Variants in RELN observed in about 807,000 individuals in gnomAD.
RELN encodes the protein reelin.
A neutral mutation model predicts 427.6 loss-of-function variants in RELN; 108 were observed. The observed-to-expected ratio is 0.25, with a 90% CI of 0.22 to 0.30. The LOEUF is 0.30. RELN is among the 10% of genes least tolerant of loss of function. The pLI is 1.00. For synonymous variants in RELN, 1,524 were observed against 1,513.4 expected, an observed-to-expected ratio of 1.01 and a Z score of -0.16; for missense variants, 3,715 against 4,302.8, an observed-to-expected ratio of 0.86 and a Z score of 3.82.
chr7:103,549,255 C>T (rs902889685), intron 41 of RELN, among the ~76,000 whole-genome samples: 1 of 152,112 alleles, frequency 6.6e-6, no homozygotes. Flanking sequence ...GGAGCCAGCA[C>T]CTCAGTGTCT....
In RELN at chr7:103,733,769, A is replaced by G. The variant is rs1418227940; in HGVS notation, c.657-5562T>C. Among the ~76,000 whole-genome samples the G allele has an allele frequency of 2.7e-5, 4 of 149,278 alleles. No homozygotes were observed. The South Asian group carries it at 8.6e-4, about 32-fold the overall frequency. On this transcript the variant is annotated intron_variant, in intron 6 of 64. Transcript: ENST00000428762. ...ATCACATGGACACAGGAAGGGGAAC[A>G]TCACACTCTGGGGACTGTTGTGGGG...
chr7:103,918,036 GTCA>G (rs1205140112), intron 1 of RELN, among the ~76,000 whole-genome samples: 1 of 152,062 alleles, frequency 6.6e-6, no homozygotes, highest in Non-Finnish European at 1.5e-5. Context: ...GTACAAGGCT[GTCA>G]TCATCCTTGG....
At position 103,874,939 on chromosome 7, in the gene RELN, A is replaced by G. The variant is rs1237708309; in HGVS notation, c.338-41267T>C. On this transcript the variant is annotated intron_variant, in intron 2 of 64. Transcript: ENST00000428762. Reference sequence around the variant, plus strand: ...AAAAGAACAAAGCTGGAGGAATCACACTACCTGACTTCAAACTATACTACA... The same window carrying G: ...AAAAGAACAAAGCTGGAGGAATCACGCTACCTGACTTCAAACTATACTACA... 8.9e-5 allele frequency among the ~76,000 whole-genome samples: 13 copies of G among 146,574 alleles called. 1 individual carries two copies. The highest frequency in any genetic ancestry group is 7.5e-4 in the South Asian group (3 of 4,020).
intron 16 of RELN, among the ~76,000 whole-genome samples, chr7:103,645,711 A>G (rs924041372): frequency 3.9e-4 from 60 of 151,910 alleles, no homozygotes; most frequent in African/African-American, 1.4e-3. Flanking sequence ...CACTGACAGC[A>G]CCATACAGAT....
At position 103,640,326 on chromosome 7, in the gene RELN, G is replaced by A. The variant is rs923232613; in HGVS notation, c.2069+217C>T. Among the ~76,000 whole-genome samples the A allele has an allele frequency of 4.6e-5, 7 of 152,056 alleles. No individual in the cohort carries two copies. The highest frequency in any genetic ancestry group is 1.4e-4 in the African/African-American group (6 of 41,380). ...CCAATTTGTTCACAAATTCACATGA[G>A]GAATGCTAAATTTGTCCACAATTTA... On this transcript the variant is annotated intron_variant, in intron 17 of 64. Coordinates refer to ENST00000428762, the MANE Select transcript of RELN (RefSeq NM_005045.4). This position sits in a 1 kb window ranked among gnomAD's most constrained non-coding sequence, Gnocchi z 4.1.
At chr7:103,973,803 T>C (rs2077426645) in intron 1 of RELN, among the ~76,000 whole-genome samples, 1 of 152,188 alleles carries the variant, frequency 6.6e-6, no homozygotes, top group Admixed American at 6.5e-5. Flanking sequence ...AATAAATATA[T>C]TCCTTTTTAA....
chr7:103,637,142 T>C (rs1443087380), intron 17 of RELN, among the ~76,000 whole-genome samples: 1 of 152,202 alleles, frequency 6.6e-6, no homozygotes, highest in Non-Finnish European at 1.5e-5. Flanking sequence ...CTGACTAGAA[T>C]ATACAGGAGT....
chr7:103,559,751 T>A (rs1461172149), intron 36 of RELN, among the ~76,000 whole-genome samples: 1 of 152,214 alleles, frequency 6.6e-6, no homozygotes, highest in African/African-American at 2.4e-5. Context: ...AGTGTTGGAT[T>A]CTTTTAGAGC....
chr7:103,798,710 C>T (rs1462265973), intron 3 of RELN, among the ~76,000 whole-genome samples: 1 of 152,210 alleles, frequency 6.6e-6, no homozygotes, highest in East Asian at 1.9e-4. Context: ...TCCATGCTAT[C>T]TCAGTGTTTA....
At chr7:103,650,156 G>GT in intron 16 of RELN, 118 bp downstream of exon 16, 1 of 747,878 alleles carries the variant, frequency 1.3e-6, no homozygotes, top group Middle Eastern at 2.3e-4. Context: ...GGAAGAAAGG[G>GT]TGTTTAATGA....
At position 103,472,342 on chromosome 7, in the gene RELN, G is replaced by A. The variant is rs1827885093; in HGVS notation, c.*470C>T. On this transcript the variant is annotated 3_prime_UTR_variant, in exon 65 of 65. Transcript: ENST00000428762. ...CATAACAAGTAAATACAGTTTCAATGTGTTGTATTGTAGAAGAGAATACAT... is the reference window on the plus strand; with the variant it reads ...CATAACAAGTAAATACAGTTTCAATATGTTGTATTGTAGAAGAGAATACAT... 5.4e-6 allele frequency: 1 copy of A among 183,584 alleles called. No individual in the cohort carries two copies. The highest frequency in any genetic ancestry group is 2.4e-5 in the African/African-American group (1 of 41,780). 11.4% of individuals were successfully genotyped at this position (183,584 alleles called of 1,614,324 possible).
chr7:103,825,593 T>C (rs1254395782), intron 3 of RELN, among the ~76,000 whole-genome samples: 2 of 152,284 alleles, frequency 1.3e-5, no homozygotes, highest in South Asian at 2.1e-4. Flanking sequence ...ATTGCATGGT[T>C]AATTTCTGTA....
At chr7:103,856,569 C>CAAAAAA (rs34695080) in intron 2 of RELN, among the ~76,000 whole-genome samples, 3 of 80,326 alleles carry the variant, frequency 3.7e-5, no homozygotes, top group Middle Eastern at 6.4e-3. Context: ...AACTCCACCT[C>CAAAAAA]AAAAAAAAAA....
rs2116998809 is a variant in RELN at position 103,489,761 on chromosome 7, G to T, written c.9744C>A (p.Ile3248=). The T allele has an allele frequency of 6.2e-7, 1 of 1,614,120 alleles. No homozygotes were observed. The highest frequency in any genetic ancestry group is 8.5e-7 in the Non-Finnish European group (1 of 1,180,010). Residue 3248 remains isoleucine (I), a synonymous_variant, in exon 60 of 65, where the codon ATC becomes ATA. Coordinates refer to ENST00000428762, the MANE Select transcript of RELN (RefSeq NM_005045.4). ...HGYCTTGAIC[I]CDESFQGDDC... ...TCAGACCTTGGAAGCTCTCGTCGCA[G>T]ATGCAGATGGCACCGGTCGTGCAGT... is the stretch of plus-strand genomic sequence containing the variant.
rs3840638 is a variant in RELN, at chr7:103,598,303, A to AT, written c.3334-1643dup. On this transcript the variant is annotated intron_variant, in intron 24 of 64. Transcript: ENST00000428762. ...TGAGGAAATCTTGTAAGTTACATGC[A>AT]TTTTTAAGTTGTTATATATGCCTTT... 7.6e-4 allele frequency among the ~76,000 whole-genome samples: 116 copies of AT among 152,344 alleles called. No homozygotes were observed. In the South Asian group the frequency reaches 0.012, roughly 16 times the overall value.
chr7:103,624,305 C>G (rs1460696830), intron 20 of RELN, among the ~76,000 whole-genome samples: 2 of 152,188 alleles, frequency 1.3e-5, no homozygotes, highest in Non-Finnish European at 1.5e-5. Context: ...TTTTACACCT[C>G]TAGCTTCCTA....
rs2117205011 is a variant in RELN at position 103,574,114 on chromosome 7, G to A, written c.4489C>T (p.Pro1497Ser). 1 of 1,613,962 alleles carries A rather than the reference G, an allele frequency of 6.2e-7. No homozygotes were observed. The highest frequency in any genetic ancestry group is 8.5e-7 in the Non-Finnish European group (1 of 1,179,894). ...GPGKREARTV[P>S]LDTRNIRLVQ... ...TACCTGATATTCCTGGTGTCCAGAG[G>A]GACCGTCCGGGCTTCCCTTTTCCCA... The change falls in exon 30 of 65, where the codon CCT becomes TCT. Residue 1497 changes from proline (P) to serine (S), a missense_variant. Around this residue, in one of 4 missense-constraint regions of RELN, gnomAD observed 2,208 missense variants for 2,361.7 expected, o/e 0.93. Coordinates refer to ENST00000428762, the MANE Select transcript of RELN (RefSeq NM_005045.4).
intron 3 of RELN, among the ~76,000 whole-genome samples, chr7:103,814,710 T>A (rs1465126024): frequency 6.6e-6 from 1 of 151,974 alleles, no homozygotes; most frequent in Non-Finnish European, 1.5e-5. Context: ...CACAGTGTGA[T>A]GAAAAGGGAA....
chr7:103,874,281 C>G (rs1794423054), intron 2 of RELN, among the ~76,000 whole-genome samples: 1 of 124,676 alleles, frequency 8.0e-6, no homozygotes, highest in Admixed American at 8.1e-5. Flanking sequence ...GAAGCATTCC[C>G]TTTGAAAACT....
Sources: gnomAD v4.1 joint callset for allele counts (sites outside exome capture counted in the v4.1 genomes callset) on GRCh38, gnomAD v4.1.1 for gene constraint, gnomAD v4.1.1 regional missense constraint, Gnocchi (gnomAD v3.1) non-coding constraint, MANE v1.5 for transcripts, NCBI Gene and HGNC (gene_info 2026-07-23, HGNC 2026-07-21) for gene names.